SLC3A2: variants seen among roughly 807,000 people sequenced by gnomAD.
SLC3A2 encodes the protein solute carrier family 3 member 2.
A neutral mutation model predicts 48.5 loss-of-function variants in SLC3A2; 32 were observed. That is an observed-to-expected ratio of 0.66 (90% CI 0.50 to 0.89). The LOEUF (loss-of-function observed/expected upper bound fraction) is 0.89, where lower values mean the gene tolerates loss of function less well. Ranked by LOEUF, SLC3A2 falls within the 40% of genes least tolerant of loss-of-function variation. The pLI is 0.00. For missense variants in SLC3A2, 587 were observed against 680.7 expected (o/e 0.86, Z 1.53); for synonymous variants, 277 against 288.8 (o/e 0.96, Z 0.41).
At chr11:62,865,763 CTGTGAATCAAACGCCTCA>C (rs2085446204) in intron 1 of SLC3A2, among the ~76,000 whole-genome samples, 1 of 152,052 alleles carries the variant, frequency 6.6e-6, no homozygotes, top group Non-Finnish European at 1.5e-5. Flanking sequence ...ATCCACAACT[CTGTGAATCAAACGCCTCA>C]TGGCTACCCC....
chr11:62,865,856 C>T lies in SLC3A2; in HGVS notation c.112+9475C>T, dbSNP rs80270255. 4.2e-3 allele frequency among the ~76,000 whole-genome samples: 638 copies of T among 152,228 alleles called. 5 individuals carry two copies. The highest frequency in any genetic ancestry group is 0.015 in the African/African-American group (618 of 41,542). On this transcript the variant is annotated intron_variant, in intron 1 of 9. Coordinates refer to the SLC3A2 transcript ENST00000377889. ...CTTTTGGCAGCTAAGCAATGCTACCCAGCCTCTGTTACGTGTTGGGAGATA... is the reference window on the plus strand; with the variant it reads ...CTTTTGGCAGCTAAGCAATGCTACCTAGCCTCTGTTACGTGTTGGGAGATA...
intron 1 of SLC3A2, among the ~76,000 whole-genome samples, chr11:62,857,234 TC>T (rs1175658908): frequency 1.3e-5 from 2 of 150,694 alleles, no homozygotes; most frequent in Non-Finnish European, 3.0e-5. Flanking sequence ...CGATTCTCCT[TC>T]CTCAGCCTCC....
upstream of SLC3A2, among the ~76,000 whole-genome samples, chr11:62,879,383 G>A (rs2085605039): frequency 6.6e-6 from 1 of 152,222 alleles, no homozygotes. Flanking sequence ...CTAGGTGACA[G>A]GCATGAGTCA....
chr11:62,881,406 A>G lies in SLC3A2; in HGVS notation c.383A>G (p.Asp128Gly). 6.3e-7 allele frequency: 1 copy of G among 1,594,374 alleles called. No homozygotes were observed. Among genetic ancestry groups the G allele is most frequent in the South Asian group, 1.1e-5 (1 of 90,214 alleles). ...WHTGALYRIGDLQAFQGHGAG... is the reference protein window; with the variant it reads ...WHTGALYRIGGLQAFQGHGAG... The stretch of plus-strand genomic sequence containing the variant: ...ACGGGCGCCCTCTACCGCATCGGCG[A>G]CCTTCAGGCCTTCCAGGGCCACGGC... The change falls in exon 1 of 9, where the codon GAC becomes GGC. Residue 128 changes from aspartate (D) to glycine (G), a missense_variant. By Grantham distance (94) the Asp-to-Gly change is moderately conservative (BLOSUM62 -1). Around this residue, in one of 3 missense-constraint regions of SLC3A2, gnomAD observed 409 missense variants for 446.7 expected, o/e 0.92. Transcript: ENST00000338663. This position sits in a 1 kb window ranked among gnomAD's most constrained non-coding sequence, Gnocchi z 4.0.
upstream of SLC3A2, among the ~76,000 whole-genome samples, chr11:62,878,957 G>C (rs1334317429): frequency 6.6e-6 from 1 of 151,640 alleles, no homozygotes; most frequent in Non-Finnish European, 1.5e-5. Context: ...ATTTTTAGTA[G>C]AGATGGGGTT....
upstream of SLC3A2, chr11:62,877,012 T>C (rs568777829): frequency 4.4e-6 from 4 of 905,812 alleles, no homozygotes; most frequent in Non-Finnish European, 5.3e-6. Context: ...TTCCTGCCTT[T>C]GTCTTCACAT....
chr11:62,887,699 C>CAAAA (rs753559403), intron 7 of SLC3A2, among the ~76,000 whole-genome samples: 1 of 89,582 alleles, frequency 1.1e-5, no homozygotes, highest in Non-Finnish European at 2.3e-5. Context: ...GACTCCGTCT[C>CAAAA]AAAAAAAAAA....
chr11:62,877,811 T>C (rs2085585407), upstream of SLC3A2, among the ~76,000 whole-genome samples: 1 of 152,200 alleles, frequency 6.6e-6, no homozygotes, highest in Admixed American at 6.5e-5. Context: ...AAGCAGGTGG[T>C]GGCTGATAAG....
At chr11:62,879,628 TTTCTC>T (rs1260386591), upstream of SLC3A2, among the ~76,000 whole-genome samples, 2 of 152,206 alleles carry the variant, frequency 1.3e-5, no homozygotes, top group African/African-American at 4.8e-5. Context: ...GGGTGACCCT[TTTCTC>T]TATGCTATTA....
At chr11:62,859,136 G>T (rs1157264369) in intron 1 of SLC3A2, among the ~76,000 whole-genome samples, 2 of 152,156 alleles carry the variant, frequency 1.3e-5, no homozygotes, top group South Asian at 2.1e-4. Flanking sequence ...ATCACATGGG[G>T]AGAAACCTTG....
intron 1 of SLC3A2, among the ~76,000 whole-genome samples, chr11:62,863,003 C>A (rs1206526976): frequency 6.6e-6 from 1 of 152,128 alleles, no homozygotes; most frequent in Non-Finnish European, 1.5e-5. Flanking sequence ...TTCACTGCAA[C>A]CTCTGCCTCC....
At chr11:62,863,805 C>G (rs1406721575) in intron 1 of SLC3A2, among the ~76,000 whole-genome samples, 2 of 152,218 alleles carry the variant, frequency 1.3e-5, no homozygotes, top group Non-Finnish European at 1.5e-5. Flanking sequence ...GATGCTGTTT[C>G]TCAAAAGGCA....
chr11:62,885,308 T>TA lies in SLC3A2; in HGVS notation c.951dup (p.Val318SerfsTer53). 1 of 1,614,196 alleles carries TA rather than the reference T, an allele frequency of 6.2e-7. No homozygotes were observed. The highest frequency in any genetic ancestry group is 8.5e-7 in the Non-Finnish European group (1 of 1,180,036). On this transcript the variant is annotated frameshift_variant, in exon 6 of 9. Transcript: ENST00000338663. LOFTEE classifies it high-confidence loss of function. Reference sequence around the variant, plus strand: ...TCTACTGGGGAGCATACAAAATCCCTAGTCACACAGTATTTGAATGCCACT... The same window carrying TA: ...TCTACTGGGGAGCATACAAAATCCCTAAGTCACACAGTATTTGAATGCCACT...
At chr11:62,879,216 G>C (rs1565251487), upstream of SLC3A2, among the ~76,000 whole-genome samples, 1 of 152,152 alleles carries the variant, frequency 6.6e-6, no homozygotes, top group Non-Finnish European at 1.5e-5. Context: ...GGGATTAGTA[G>C]GTGGGATTAC....
At chr11:62,884,339 C>G (rs963306867) in intron 3 of SLC3A2, 118 bp from the exon 4 acceptor site, 3 of 1,107,412 alleles carry the variant, frequency 2.7e-6, no homozygotes, top group Non-Finnish European at 4.1e-6. Flanking sequence ...AGGCAAGGCA[C>G]AGGACTCTCC....
chr11:62,862,970 G>A (rs1468727579), intron 1 of SLC3A2, among the ~76,000 whole-genome samples: 4 of 152,190 alleles, frequency 2.6e-5, no homozygotes, highest in African/African-American at 9.6e-5. Context: ...CACCCAGGCT[G>A]GAGTGCAGTG....
intron 7 of SLC3A2, among the ~76,000 whole-genome samples, chr11:62,887,717 AAAGTT>A (rs1278485585): frequency 6.4e-4 from 97 of 152,068 alleles, no homozygotes; most frequent in Non-Finnish European, 1.1e-3. Context: ...AAAAAAAAAA[AAAGTT>A]AGCCAGACAT....
intron 1 of SLC3A2, among the ~76,000 whole-genome samples, chr11:62,869,369 A>T (rs1199774937): frequency 1.3e-5 from 2 of 151,430 alleles, no homozygotes; most frequent in African/African-American, 2.4e-5. Flanking sequence ...CTAAAAATAC[A>T]AAAAATTAGC....
chr11:62,859,290 C>G (rs187513522), intron 1 of SLC3A2, among the ~76,000 whole-genome samples: 1 of 152,090 alleles, frequency 6.6e-6, no homozygotes, highest in Non-Finnish European at 1.5e-5. Context: ...CATCTCGCAC[C>G]GCCCTTAATC....
Sources: gnomAD v4.1 joint callset for allele counts (sites outside exome capture counted in the v4.1 genomes callset) on GRCh38, gnomAD v4.1.1 for gene constraint, gnomAD v4.1.1 regional missense constraint, Gnocchi (gnomAD v3.1) non-coding constraint, MANE v1.5 for transcripts, NCBI Gene and HGNC (gene_info 2026-07-23, HGNC 2026-07-21) for gene names.